E4F1: variants seen among roughly 807,000 people sequenced by gnomAD.
E4F1 encodes E4F transcription factor 1.
A neutral mutation model predicts 72.9 loss-of-function variants in E4F1; 30 were observed. The observed-to-expected ratio is 0.41, with a 90% confidence interval of 0.31 to 0.56. E4F1 has a LOEUF of 0.56. Among genes scored for constraint, E4F1 ranks in the 20% least tolerant of loss-of-function variants. E4F1 has a pLI of 0.25. For missense variants in E4F1, 1,091 were observed against 1,117.5 expected, an observed-to-expected ratio of 0.98 and a Z score of 0.34; for synonymous variants, 542 against 478.2, an observed-to-expected ratio of 1.13 and a Z score of -1.74.
At chr16:2,224,657 G>C (rs987999436) in intron 1 of E4F1, among the ~76,000 whole-genome samples, 4 of 152,118 alleles carry the variant, frequency 2.6e-5, no homozygotes, top group Non-Finnish European at 5.9e-5. Context: ...AGCCGGGCGT[G>C]GTGGCGGGCG....
chr16:2,228,639 A>G, intron 2 of E4F1, 116 bp downstream of exon 2: 2 of 1,330,358 alleles, frequency 1.5e-6, no homozygotes, highest in Non-Finnish European at 2.1e-6. Flanking sequence ...GGGCGGGCAG[A>G]GGGCAGGCAC....
Position 2,232,153 on chromosome 16 carries a change from C to T in E4F1, c.416-18C>T. ...ACAGGGGCAGGTCCTGGGGCTTAGG[C>T]CCAGATGCTTCTCCTAGGTGGTGGG... is the stretch of plus-strand genomic sequence containing the variant. On this transcript the variant is annotated intron_variant, in intron 3 of 13. Coordinates refer to ENST00000301727, the MANE Select transcript of E4F1 (RefSeq NM_004424.5). 1 of 1,607,946 alleles carries T rather than the reference C, an allele frequency of 6.2e-7. No homozygotes were observed. Among genetic ancestry groups the T allele is most frequent in the African/African-American group, 1.3e-5 (1 of 75,012 alleles).
Position 2,231,927 on chromosome 16 carries a change from T to C in E4F1, c.416-244T>C, listed in dbSNP as rs1433001190. On this transcript the variant is annotated intron_variant, in intron 3 of 13. Coordinates refer to ENST00000301727, the MANE Select transcript of E4F1 (RefSeq NM_004424.5). The stretch of plus-strand genomic sequence containing the variant: ...ATGGTGGGTCTCCCTGTGGACACAT[T>C]TAGGGGCCCTGGAGCATCTCTGGGC... The C allele has an allele frequency of 9.2e-6, 5 of 541,290 alleles. No individual in the cohort carries two copies. The Admixed American group carries it at 1.7e-4, about 19-fold the overall frequency. The allele number at this position is 541,290 out of a possible 1,614,324, so 33.5% of individuals were successfully genotyped here. A position where few individuals can be genotyped will look rare whatever the true frequency, so the allele number is the denominator to read the frequency against.
chr16:2,224,061 C>G, intron 1 of E4F1: 2 of 1,104,744 alleles, frequency 1.8e-6, no homozygotes, highest in Non-Finnish European at 2.4e-6. Context: ...CGCCGGCGTC[C>G]CGGCCCTTCT....
In E4F1 at chr16:2,234,927, C is replaced by T. The variant is rs867738057; in HGVS notation, c.1861C>T (p.Leu621Phe). 6.4e-7 allele frequency: 1 copy of T among 1,562,918 alleles called. No individual in the cohort carries two copies. The highest frequency in any genetic ancestry group is 1.2e-5 in the South Asian group (1 of 85,646). Residue 621 changes from leucine to phenylalanine, a missense_variant, in exon 12 of 14, where the codon CTC becomes TTC. Transcript: ENST00000301727. ...EDSPAAATTV[L>F]TEDPHTVLVE... The stretch of plus-strand genomic sequence containing the variant: ...CAGCCCCGCGGCAGCCACCACCGTC[C>T]TCACGGAAGACCCGCACACAGTGTT...
chr16:2,233,535 C>T lies in E4F1; in HGVS notation c.1154C>T (p.Ala385Val). 6.6e-7 allele frequency: 1 copy of T among 1,523,832 alleles called. No individual in the cohort carries two copies. The highest frequency in any genetic ancestry group is 1.8e-4 in the Middle Eastern group (1 of 5,572). The allele number at this position is 1,523,832 out of a possible 1,614,324, so 94.4% of individuals were successfully genotyped here. A position where few individuals can be genotyped will look rare whatever the true frequency, so the allele number is the denominator to read the frequency against. The part of the protein sequence containing the change: ...MQNSGIVLER[A>V]AGEEGALEPA... Reference sequence around the variant, plus strand: ...AACTCCGGCATCGTCCTTGAGCGCGCTGCTGGGGAGGAGGGTGCCCTGGAG... The same window carrying T: ...AACTCCGGCATCGTCCTTGAGCGCGTTGCTGGGGAGGAGGGTGCCCTGGAG... Residue 385 changes from alanine to valine, a missense_variant, in exon 8 of 14, where the codon GCT (alanine) becomes GTT (valine). Coordinates refer to ENST00000301727, the MANE Select transcript of E4F1 (RefSeq NM_004424.5).
chr16:2,227,797 A>G (rs957746329), intron 1 of E4F1, among the ~76,000 whole-genome samples: 37 of 150,870 alleles, frequency 2.5e-4, no homozygotes, highest in African/African-American at 9.0e-4. Flanking sequence ...CACCACACCC[A>G]GCCTAAATGT....
In E4F1 at chr16:2,232,224, G is replaced by A. The variant is rs1366375739; in HGVS notation, c.469G>A (p.Gly157Ser). 4.3e-6 allele frequency: 7 copies of A among 1,612,652 alleles called. No homozygotes were observed. Among genetic ancestry groups the A allele is most frequent in the Middle Eastern group, 1.6e-4 (1 of 6,078 alleles). Residue 157 changes from glycine (G) to serine (S), a missense_variant, in exon 4 of 14, where the codon GGT becomes AGT. Around this residue, in one of 5 missense-constraint regions of E4F1, gnomAD observed 362 missense variants for 358.6 expected, o/e 1.01. Coordinates refer to ENST00000301727, the MANE Select transcript of E4F1 (RefSeq NM_004424.5). ...IVAAEAELGD[G>S]EMAEAPGSPR... ...GGCTGCTGAGGCGGAGCTGGGAGAC[G>A]GTGAGATGGCCGAGGCCCCGGGCAG...
In E4F1 at chr16:2,223,925, C is replaced by T. The variant is rs959337499; in HGVS notation, c.157+155C>T. The T allele has an allele frequency of 5.2e-6, 8 of 1,530,126 alleles. No individual in the cohort carries two copies. The East Asian group carries it at 1.5e-4, about 28-fold the overall frequency. 94.8% of individuals were successfully genotyped at this position (1,530,126 alleles called of 1,614,324 possible). On this transcript the variant is annotated intron_variant, in intron 1 of 13. Coordinates refer to ENST00000301727, the MANE Select transcript of E4F1 (RefSeq NM_004424.5). ...GACCCTCACAGCCCTCCACGAAACC[C>T]CCAGGTTTGCTGCGACCCTCACGGG...
chr16:2,233,326 C>T (rs554520634), intron 7 of E4F1, 112 bp from the exon 8 acceptor site: 12 of 1,422,438 alleles, frequency 8.4e-6, no homozygotes, highest in South Asian at 7.0e-5. Flanking sequence ...CCAGTGGGAG[C>T]GCCATGGGGG....
chr16:2,235,392 G>A lies in E4F1; in HGVS notation c.2175G>A (p.Met725Ile), dbSNP rs201442335. ...AGAGCCTGACAGAGCAGGTGGCCAT[G>A]ACGCTGGCCTCGGCCATCAGCGAGG... The part of the protein sequence containing the change: ...TPESLTEQVA[M>I]TLASAISEGT... The change falls in exon 14 of 14, where the codon ATG becomes ATA. Residue 725 changes from methionine to isoleucine, a missense_variant. This residue lies in a region of E4F1 where 622 missense variants were observed against 628.0 expected (regional missense o/e 0.99). Transcript: ENST00000301727. 2 of 1,611,368 alleles carry A rather than the reference G, an allele frequency of 1.2e-6. No individual in the cohort carries two copies. Among genetic ancestry groups the A allele is most frequent in the East Asian group, 2.2e-5 (1 of 44,868 alleles).
At position 2,235,272 on chromosome 16, in the gene E4F1, C is replaced by T. The variant is rs754298020; in HGVS notation, c.2055C>T (p.Gly685=). The T allele has an allele frequency of 6.2e-7, 1 of 1,611,254 alleles. No individual in the cohort carries two copies. The change falls in exon 14 of 14, where the codon GGC becomes GGT. Residue 685 remains glycine (G), a synonymous_variant. Coordinates refer to ENST00000301727, the MANE Select transcript of E4F1 (RefSeq NM_004424.5). ...AGATCGTGCACCAGGCTAGCGCCGG[C>T]CACCAGATCATCGTGCAGAACGTCA... The part of the protein sequence containing the change: ...VQQIVHQASA[G]HQIIVQNVTM...
In E4F1 at chr16:2,235,529, C is replaced by G; in HGVS notation, c.2312C>G (p.Ala771Gly). The G allele has an allele frequency of 2.5e-6, 4 of 1,605,316 alleles. No homozygotes were observed. The highest frequency in any genetic ancestry group is 3.4e-6 in the Non-Finnish European group (4 of 1,174,728). ...ILEHAGELVI[A>G]SPEGQLEVQT... ...GAGCATGCAGGCGAGCTGGTCATCG[C>G]CTCGCCGGAGGGCCAGCTGGAGGTG... The change falls in exon 14 of 14, where the codon GCC becomes GGC. Residue 771 changes from alanine (A) to glycine (G), a missense_variant. Ala to Gly is a moderately conservative substitution (Grantham distance 60). Coordinates refer to ENST00000301727, the MANE Select transcript of E4F1 (RefSeq NM_004424.5).
chr16:2,235,293 C>A lies in E4F1; in HGVS notation c.2076C>A (p.Asn692Lys). The A allele has an allele frequency of 6.2e-7, 1 of 1,611,396 alleles. No individual in the cohort carries two copies. Among genetic ancestry groups the A allele is most frequent in the Non-Finnish European group, 8.5e-7 (1 of 1,179,936 alleles). The change falls in exon 14 of 14, where the codon AAC (asparagine) becomes AAA (lysine). Residue 692 changes from asparagine to lysine, a missense_variant. Coordinates refer to ENST00000301727, the MANE Select transcript of E4F1 (RefSeq NM_004424.5). The part of the protein sequence containing the change: ...ASAGHQIIVQ[N>K]VTMDEETALG... ...CCGGCCACCAGATCATCGTGCAGAA[C>A]GTCACCATGGACGAGGAGACGGCGC...
chr16:2,229,836 G>A, intron 3 of E4F1, 161 bp downstream of exon 3: 1 of 715,602 alleles, frequency 1.4e-6, no homozygotes, highest in Non-Finnish European at 2.3e-6. Flanking sequence ...GCCTGCAGGA[G>A]GAGGAAGCGT....
rs1043442719 is a variant in E4F1 at position 2,223,724 on chromosome 16, G to C, written c.111G>C (p.Leu37Phe). 3 of 1,543,688 alleles carry C rather than the reference G, an allele frequency of 1.9e-6. No individual in the cohort carries two copies. The highest frequency in any genetic ancestry group is 3.9e-5 in the Admixed American group (2 of 51,500). The change falls in exon 1 of 14, where the codon TTG (leucine) becomes TTC (phenylalanine). Residue 37 changes from leucine (L) to phenylalanine (F), a missense_variant. By Grantham distance (22) the Leu-to-Phe change is conservative. Transcript: ENST00000301727. ...EGAVAAVAAA[L>F]APSGFLGLPA... ...CAGTTGCGGCGGTGGCGGCGGCCTT[G>C]GCCCCCAGCGGCTTCCTCGGCCTCC...
chr16:2,227,263 G>A (rs1211036671), intron 1 of E4F1, among the ~76,000 whole-genome samples: 1 of 152,200 alleles, frequency 6.6e-6, no homozygotes, highest in Non-Finnish European at 1.5e-5. Context: ...CGGCTGGAGT[G>A]CAATGGGGAG....
chr16:2,223,923 C>A, intron 1 of E4F1, 153 bp downstream of exon 1: 1 of 1,530,286 alleles, frequency 6.5e-7, no homozygotes, highest in Non-Finnish European at 8.7e-7. Flanking sequence ...CTCCACGAAA[C>A]CCCCAGGTTT....
intron 3 of E4F1, chr16:2,231,059 G>A (rs1460956352): frequency 6.6e-6 from 1 of 152,426 alleles, no homozygotes; most frequent in Non-Finnish European, 1.5e-5. Flanking sequence ...GGCATCCTGG[G>A]TACTCTGTGT....
Sources: allele counts gnomAD v4.1 joint callset (sites outside exome capture counted in the v4.1 genomes callset), GRCh38; gene constraint gnomAD v4.1.1; regional missense constraint gnomAD v4.1.1; transcripts MANE v1.5; gene names NCBI Gene and HGNC (gene_info 2026-07-23, HGNC 2026-07-21).